TAF4B: variants seen among roughly 807,000 people sequenced by gnomAD.
TAF4B encodes the protein TATA-box binding protein associated factor 4b, also known as transcription initiation factor TFIID subunit 4B.
Under a neutral mutation model 86.4 loss-of-function variants are expected in TAF4B, and 38 were observed. That is an observed-to-expected ratio of 0.44 (90% confidence interval 0.34 to 0.58). The LOEUF (loss-of-function observed/expected upper bound fraction) is 0.58, where lower values mean the gene tolerates loss of function less well. Among genes scored for constraint, TAF4B ranks in the 20% least tolerant of loss-of-function variants. The pLI is 0.02. For missense variants in TAF4B, 988 were observed against 1,027.6 expected (o/e 0.96, Z 0.53); for synonymous variants, 388 against 391.2 (o/e 0.99, Z 0.10).
chr18:26,262,514 G>A lies in TAF4B; in HGVS notation c.344-2656G>A, dbSNP rs2056184117. 2.7e-5 allele frequency among the ~76,000 whole-genome samples: 4 copies of A among 146,726 alleles called. No individual in the cohort carries two copies. The South Asian group carries it at 8.7e-4, about 32-fold the overall frequency. ...TTTTGAGACAGAATCTCTCTGTGTT[G>A]CCCAGGCTGGAGTGCAGTGACGCGA... On this transcript the variant is annotated intron_variant, in intron 1 of 14. Coordinates refer to ENST00000269142, the MANE Select transcript of TAF4B (RefSeq NM_005640.3).
intron 14 of TAF4B, among the ~76,000 whole-genome samples, chr18:26,376,325 C>G (rs1015495670): frequency 6.6e-6 from 1 of 151,110 alleles, no homozygotes; most frequent in Non-Finnish European, 1.5e-5. Flanking sequence ...ATTAAATAGT[C>G]TTTTCATTGA....
intron 6 of TAF4B, 60 bp from the exon 7 acceptor site, chr18:26,285,822 T>C: frequency 1.3e-6 from 2 of 1,546,368 alleles, no homozygotes; most frequent in Non-Finnish European, 1.7e-6. Flanking sequence ...AATACCACAT[T>C]TTGTTTCACA....
intron 10 of TAF4B, among the ~76,000 whole-genome samples, chr18:26,318,815 C>T (rs1311942634): frequency 6.6e-6 from 1 of 152,226 alleles, no homozygotes; most frequent in African/African-American, 2.4e-5. Flanking sequence ...AATCTCAGCA[C>T]TTATTTCCAA....
chr18:26,273,990 G>A (rs1393869250), intron 3 of TAF4B, among the ~76,000 whole-genome samples: 1 of 152,130 alleles, frequency 6.6e-6, no homozygotes, highest in Non-Finnish European at 1.5e-5. Context: ...TTGTCTTTAA[G>A]ATTGTTGCTT....
chr18:26,296,901 A>C (rs2056669081), intron 9 of TAF4B, among the ~76,000 whole-genome samples: 1 of 100,106 alleles, frequency 1.0e-5, no homozygotes, highest in African/African-American at 3.7e-5. Context: ...GCACTTTGGG[A>C]GGCCGAGGCA....
intron 14 of TAF4B, among the ~76,000 whole-genome samples, chr18:26,358,722 T>TA (rs955382206): frequency 1.3e-5 from 2 of 151,628 alleles, no homozygotes; most frequent in African/African-American, 2.4e-5. Flanking sequence ...AAAAATAAAA[T>TA]AAAAAAAAGA....
intron 14 of TAF4B, among the ~76,000 whole-genome samples, chr18:26,366,731 A>G (rs1021471795): frequency 6.6e-6 from 1 of 152,234 alleles, no homozygotes; most frequent in Admixed American, 6.5e-5. Flanking sequence ...TTCCATGCAT[A>G]TGTTAGGTTA....
intron 14 of TAF4B, among the ~76,000 whole-genome samples, chr18:26,359,934 T>C (rs1472115801): frequency 6.6e-6 from 1 of 151,644 alleles, no homozygotes; most frequent in African/African-American, 2.4e-5. Context: ...CCCAGCTTGG[T>C]CTCGAACTTC....
chr18:26,388,522 A>G (rs1057282521), intron 14 of TAF4B, among the ~76,000 whole-genome samples: 1 of 152,208 alleles, frequency 6.6e-6, no homozygotes, highest in African/African-American at 2.4e-5. Flanking sequence ...AGCATATACA[A>G]ATTACTATAG....
At chr18:26,319,398 G>A (rs2056940713) in intron 10 of TAF4B, among the ~76,000 whole-genome samples, 1 of 151,846 alleles carries the variant, frequency 6.6e-6, no homozygotes, top group African/African-American at 2.4e-5. Context: ...TACTTGGGAG[G>A]CTGAGGCAGG....
intron 14 of TAF4B, among the ~76,000 whole-genome samples, chr18:26,378,716 A>G (rs985558474): frequency 6.6e-6 from 1 of 151,974 alleles, no homozygotes; most frequent in South Asian, 2.1e-4. Context: ...ACCACCTGCA[A>G]CCCCCTCTGC....
intron 1 of TAF4B, among the ~76,000 whole-genome samples, chr18:26,233,664 C>G: frequency 6.6e-6 from 1 of 152,178 alleles, no homozygotes; most frequent in East Asian, 1.9e-4. Flanking sequence ...TGTGTATGGG[C>G]TTTTCATTGC....
chr18:26,278,818 A>G (rs1402465824), intron 5 of TAF4B, among the ~76,000 whole-genome samples: 1 of 152,028 alleles, frequency 6.6e-6, no homozygotes, highest in Non-Finnish European at 1.5e-5. Flanking sequence ...TACCCCTGAA[A>G]TGCTTAATAG....
intron 14 of TAF4B, among the ~76,000 whole-genome samples, chr18:26,389,140 T>C (rs1978555511): frequency 1.3e-5 from 2 of 152,134 alleles, no homozygotes; most frequent in Non-Finnish European, 2.9e-5. Context: ...AATTAGAAAC[T>C]GAGTCACAGC....
Position 26,227,069 on chromosome 18 carries a change from A to T in TAF4B, c.136A>T (p.Thr46Ser). ...CACTCCGGTGGCCCTGGGCGCCGTGACTAAGGCTCCTGTCAGCGTCTGCGT... is the reference window on the plus strand; with the variant it reads ...CACTCCGGTGGCCCTGGGCGCCGTGTCTAAGGCTCCTGTCAGCGTCTGCGT... The part of the protein sequence containing the change: ...ESTPVALGAV[T>S]KAPVSVCVEP... Residue 46 changes from threonine to serine, a missense_variant, in exon 1 of 15, where the codon ACT (threonine) becomes TCT (serine). By Grantham distance (58) the Thr-to-Ser change is moderately conservative. This residue lies in a region of TAF4B where 747 missense variants were observed against 737.9 expected (regional missense o/e 1.01). Coordinates refer to ENST00000269142, the MANE Select transcript of TAF4B (RefSeq NM_005640.3). The T allele has an allele frequency of 6.2e-7, 1 of 1,601,704 alleles. No individual in the cohort carries two copies. The highest frequency in any genetic ancestry group is 1.1e-5 in the South Asian group (1 of 90,344).
intron 13 of TAF4B, among the ~76,000 whole-genome samples, chr18:26,345,730 A>G (rs1221645728): frequency 6.6e-6 from 1 of 152,210 alleles, no homozygotes; most frequent in East Asian, 1.9e-4. Flanking sequence ...TTTCTACCAC[A>G]TGAATGGAAA....
intron 9 of TAF4B, among the ~76,000 whole-genome samples, chr18:26,312,154 A>G (rs1235946773): frequency 1.3e-5 from 2 of 152,218 alleles, no homozygotes; most frequent in African/African-American, 2.4e-5. Flanking sequence ...ATCAGACCAG[A>G]AGACTTGAAG....
At chr18:26,271,786 G>T (rs1053427415) in intron 3 of TAF4B, among the ~76,000 whole-genome samples, 4 of 152,006 alleles carry the variant, frequency 2.6e-5, no homozygotes, top group African/African-American at 7.3e-5. Flanking sequence ...GAGCCGGGTG[G>T]TGTGGTGGGG....
chr18:26,379,520 A>G (rs1025817175), intron 14 of TAF4B, among the ~76,000 whole-genome samples: 1 of 152,098 alleles, frequency 6.6e-6, no homozygotes, highest in Non-Finnish European at 1.5e-5. Flanking sequence ...ATGTGGACAT[A>G]TCTATACACA....
Sources: gnomAD v4.1 joint callset for allele counts (sites outside exome capture counted in the v4.1 genomes callset) on GRCh38, gnomAD v4.1.1 for gene constraint, gnomAD v4.1.1 regional missense constraint, MANE v1.5 for transcripts, NCBI Gene and HGNC (gene_info 2026-07-23, HGNC 2026-07-21) for gene names.